Variants in BTBD19 observed in about 807,000 individuals in gnomAD.
The protein encoded by BTBD19 is BTB/POZ domain-containing protein 19.
In BTBD19, 20 loss-of-function variants were observed where a neutral mutation model predicts 36.1. The ratio of observed to expected loss-of-function variants is 0.55; its 90% CI spans 0.39 to 0.80. The LOEUF (loss-of-function observed/expected upper bound fraction) is 0.80, where lower values mean the gene tolerates loss of function less well. Ranked by LOEUF, BTBD19 falls within the 30% of genes least tolerant of loss-of-function variation. The probability of loss-of-function intolerance (pLI) is 0.00; values close to 1 mark genes in which losing one functional copy is unlikely to be tolerated. For synonymous variants in BTBD19, 157 were observed against 174.3 expected, an observed-to-expected ratio of 0.90 and a Z score of 0.78; for missense variants, 325 against 389.8, an observed-to-expected ratio of 0.83 and a Z score of 1.40.
chr1:44,808,884 C>T, exon 1 of BTBD19: 1 of 1,550,330 alleles, frequency 6.5e-7, no homozygotes, highest in Non-Finnish European at 8.7e-7. Context: ...ACTCCGAAGC[C>T]TTGTCAACAA....
intron 4 of BTBD19, 112 bp from the exon 5 acceptor site, chr1:44,812,884 G>A (rs1168388763): frequency 2.0e-6 from 2 of 991,934 alleles, no homozygotes; most frequent in East Asian, 5.3e-5. Context: ...TGAGGGCCCT[G>A]TCAGCCTCCC....
chr1:44,812,664 A>G (rs908219200), intron 4 of BTBD19: 11 of 436,574 alleles, frequency 2.5e-5, no homozygotes, highest in African/African-American at 4.0e-5. Flanking sequence ...GCCACTGCAC[A>G]CTCCAGCCTG....
At chr1:44,812,996 G>A (rs1652496371) in exon 5 of BTBD19, 1 of 1,550,466 alleles carries the variant, frequency 6.4e-7, no homozygotes. Flanking sequence ...CTGCTCGCAG[G>A]TGGCCGTAAC....
At chr1:44,814,506 G>C (rs1324692771), downstream of BTBD19, 1 of 148,832 alleles carries the variant, frequency 6.7e-6, no homozygotes, top group Non-Finnish European at 1.5e-5. Context: ...CACCGTATTA[G>C]CCAGGATGGT....
rs1032747726 is a variant in BTBD19 at position 44,813,868 on chromosome 1, C to A, written c.*96C>A. 1.3e-6 allele frequency: 2 copies of A among 1,497,812 alleles called. No individual in the cohort carries two copies. The highest frequency in any genetic ancestry group is 1.8e-6 in the Non-Finnish European group (2 of 1,103,818). 92.8% of individuals were successfully genotyped at this position (1,497,812 alleles called of 1,614,324 possible). ...GTGCTCGGCGTTCGGAGCGGGCTTC[C>A]GTTCCCAGCGTGCCCAGTGAGCCGG... On this transcript the variant is annotated 3_prime_UTR_variant, in exon 8 of 8. Coordinates refer to ENST00000450269, the Ensembl canonical transcript of BTBD19. The surrounding 1 kb of genome is among the most constrained non-coding windows in gnomAD (Gnocchi z 7.8).
intron 4 of BTBD19, among the ~76,000 whole-genome samples, 197 bp from the exon 5 acceptor site, chr1:44,812,796 TGTG>T (rs2148864555): frequency 3.9e-5 from 2 of 51,944 alleles, no homozygotes; most frequent in Admixed American, 3.9e-4. Flanking sequence ...CGTGTGTGTG[TGTG>T]TGTGTGTGTG....
chr1:44,813,482 C>A lies in BTBD19; in HGVS notation c.724C>A (p.Gln242Lys), dbSNP rs1460899512. Reference sequence around the variant, plus strand: ...GAGCGCCCTGGAAGAGCAGAACCGGCAGGAACCACTCATCCCGGTGGGGAC... The same window carrying A: ...GAGCGCCCTGGAAGAGCAGAACCGGAAGGAACCACTCATCCCGGTGGGGAC... The change falls in exon 7 of 8, where the codon CAG becomes AAG. Residue 242 changes from glutamine to lysine, a missense_variant. Gln to Lys is a moderately conservative substitution (Grantham distance 53). Coordinates refer to ENST00000450269, the Ensembl canonical transcript of BTBD19. This position sits in a 1 kb window ranked among gnomAD's most constrained non-coding sequence, Gnocchi z 7.8. The A allele has an allele frequency of 6.5e-7, 1 of 1,548,966 alleles. No homozygotes were observed. The highest frequency in any genetic ancestry group is 1.2e-5 in the South Asian group (1 of 84,034).
chr1:44,812,155 C>T (rs997072893), intron 4 of BTBD19, 57 bp downstream of exon 4: 28 of 1,228,428 alleles, frequency 2.3e-5, no homozygotes, highest in Admixed American at 2.1e-4. Flanking sequence ...GAAATGGGCT[C>T]CCAGCACCTG....
At position 44,813,538 on chromosome 1, in the gene BTBD19, G is replaced by C. The variant is rs1354248681; in HGVS notation, c.741+39G>C. The C allele has an allele frequency of 1.5e-5, 23 of 1,543,530 alleles. 1 individual carries two copies. In the South Asian group the frequency reaches 2.4e-4, roughly 16 times the overall value. ...GAACCGGCCCAGCTCCACTCAGCAG[G>C]GGGTACAGGGCGCTGGGAGGGGGCA... On this transcript the variant is annotated intron_variant, in intron 7 of 7. Coordinates refer to ENST00000450269, the Ensembl canonical transcript of BTBD19. The surrounding 1 kb of genome is among the most constrained non-coding windows in gnomAD (Gnocchi z 7.8).
chr1:44,810,567 T>C lies in BTBD19; in HGVS notation c.314T>C (p.Leu105Pro), dbSNP rs1233463304. The stretch of plus-strand genomic sequence containing the variant: ...CCCACTCTACAGGTGCTGGAAGTGC[T>C]GACAGCGGCTGTGGAGTATGGGCTG... The change falls in exon 3 of 8, where the codon CTG becomes CCG. Residue 105 changes from leucine (L) to proline (P), a missense_variant. Leu to Pro is a moderately conservative substitution (Grantham distance 98, BLOSUM62 -3). Coordinates refer to ENST00000450269, the Ensembl canonical transcript of BTBD19. This position sits in a 1 kb window ranked among gnomAD's most constrained non-coding sequence, Gnocchi z 4.2. The C allele has an allele frequency of 6.5e-7, 1 of 1,550,244 alleles. No individual in the cohort carries two copies. The highest frequency in any genetic ancestry group is 2.0e-5 in the Admixed American group (1 of 50,970).
At position 44,810,243 on chromosome 1, in the gene BTBD19, G is replaced by T; in HGVS notation, c.117G>T (p.Arg39=). ...TTTGCTTCGTGGTTGGTCAAGAACG[G>T]CAGGAGGTATTTGCCCATCGGTGCT... Residue 39 remains arginine, a synonymous_variant, in exon 2 of 8, where the codon CGG becomes CGT. Coordinates refer to ENST00000450269, the Ensembl canonical transcript of BTBD19. The surrounding 1 kb of genome is among the most constrained non-coding windows in gnomAD (Gnocchi z 4.2). 1 of 1,551,950 alleles carries T rather than the reference G, an allele frequency of 6.4e-7. No homozygotes were observed. Among genetic ancestry groups the T allele is most frequent in the Non-Finnish European group, 8.7e-7 (1 of 1,147,036 alleles).
chr1:44,813,710 C>T lies in BTBD19; in HGVS notation c.814C>T (p.Arg272Cys). ...GGATGAGGCCCGGGGCGCCCCGTGT[C>T]GCCGCCGGAGAGGCACCCTGCCCCG... Residue 272 changes from arginine (R) to cysteine (C), a missense_variant, in exon 8 of 8, where the codon CGC becomes TGC. By Grantham distance (180) the Arg-to-Cys change is radical. Coordinates refer to ENST00000450269, the Ensembl canonical transcript of BTBD19. The surrounding 1 kb of genome is among the most constrained non-coding windows in gnomAD (Gnocchi z 7.8). 6.4e-7 allele frequency: 1 copy of T among 1,551,468 alleles called. No individual in the cohort carries two copies. Among genetic ancestry groups the T allele is most frequent in the Non-Finnish European group, 8.7e-7 (1 of 1,146,860 alleles).
rs1652443518 is a variant in BTBD19 at position 44,812,103 on chromosome 1, G to A, written c.414+5G>A. The A allele has an allele frequency of 1.5e-6, 2 of 1,303,900 alleles. No individual in the cohort carries two copies. Among genetic ancestry groups the A allele is most frequent in the African/African-American group, 3.0e-5 (2 of 65,820 alleles). 80.8% of individuals were successfully genotyped at this position (1,303,900 alleles called of 1,614,324 possible). A position where few individuals can be genotyped will look rare whatever the true frequency, so the allele number is the denominator to read the frequency against. ...TTGGTTTGTGAGGCCCTGCAGGTGGGTGCTGCTGGACAGGCATGGTAGGAG... is the reference window on the plus strand; with the variant it reads ...TTGGTTTGTGAGGCCCTGCAGGTGGATGCTGCTGGACAGGCATGGTAGGAG... On this transcript the variant is annotated splice_donor_5th_base_variant and intron_variant, in intron 4 of 7. Transcript: ENST00000450269.
chr1:44,809,106 C>A (rs752866497), intron 1 of BTBD19, among the ~76,000 whole-genome samples, 200 bp downstream of exon 1: 4 of 152,154 alleles, frequency 2.6e-5, no homozygotes, highest in Non-Finnish European at 5.9e-5. Flanking sequence ...AGAGGCAAGG[C>A]TGGCGGGGTG....
intron 4 of BTBD19, chr1:44,812,587 C>T (rs1652468726): frequency 2.5e-6 from 1 of 395,234 alleles, no homozygotes; most frequent in East Asian, 7.0e-5. Context: ...CTCCCAGCTA[C>T]TCTGGAGGCT....
chr1:44,810,164 C>T lies in BTBD19; in HGVS notation c.87-49C>T, dbSNP rs2148862492. The T allele has an allele frequency of 6.7e-7, 1 of 1,482,482 alleles. No homozygotes were observed. The highest frequency in any genetic ancestry group is 9.2e-7 in the Non-Finnish European group (1 of 1,087,672). 91.8% of individuals were successfully genotyped at this position (1,482,482 alleles called of 1,614,324 possible). On this transcript the variant is annotated intron_variant, in intron 1 of 7. Transcript: ENST00000450269. This position sits in a 1 kb window ranked among gnomAD's most constrained non-coding sequence, Gnocchi z 4.2. The stretch of plus-strand genomic sequence containing the variant: ...GGGCAAAGGCACAGCCCAAGTTGCA[C>T]TCCGGGTGCTGGCCTCCTCCCCGCT...
chr1:44,811,937 T>TGG, intron 3 of BTBD19, 102 bp from the exon 4 acceptor site: 1 of 943,728 alleles, frequency 1.1e-6, no homozygotes, highest in South Asian at 1.4e-5. Flanking sequence ...CTGGGGCTGC[T>TGG]GGGTGACTCA....
At chr1:44,809,513 G>C (rs1213065027) in intron 1 of BTBD19, among the ~76,000 whole-genome samples, 2 of 152,210 alleles carry the variant, frequency 1.3e-5, no homozygotes, top group Non-Finnish European at 1.5e-5. Flanking sequence ...TCCCCAAAGG[G>C]TGGTGACTTC....
At position 44,813,944 on chromosome 1, in the gene BTBD19, G is replaced by A. The variant is rs537463533; in HGVS notation, c.*172G>A. The A allele has an allele frequency of 3.6e-6, 4 of 1,116,722 alleles. No homozygotes were observed. Among genetic ancestry groups the A allele is most frequent in the Non-Finnish European group, 5.1e-6 (4 of 791,358 alleles). The allele number at this position is 1,116,722 out of a possible 1,614,324, so 69.2% of individuals were successfully genotyped here. A position where few individuals can be genotyped will look rare whatever the true frequency, so the allele number is the denominator to read the frequency against. On this transcript the variant is annotated 3_prime_UTR_variant, in exon 8 of 8. Transcript: ENST00000450269. The surrounding 1 kb of genome is among the most constrained non-coding windows in gnomAD (Gnocchi z 7.8). ...CGCGCAGCCCCTTGTGCGGGATCAA[G>A]CCCGTGTGGGCGAGGTGGGGTCGGG...
Sources: allele counts gnomAD v4.1 joint callset (sites outside exome capture counted in the v4.1 genomes callset), GRCh38; gene constraint gnomAD v4.1.1; non-coding constraint Gnocchi (gnomAD v3.1); transcripts MANE v1.5; gene names NCBI Gene and HGNC (gene_info 2026-07-23, HGNC 2026-07-21).